PIEZO2: variants seen among roughly 807,000 people sequenced by gnomAD.
PIEZO2 encodes the protein piezo type mechanosensitive ion channel component 2, also known as piezo-type mechanosensitive ion channel component 2.
Under a neutral mutation model 337.3 loss-of-function variants are expected in PIEZO2, and 172 were observed. That is an observed-to-expected ratio of 0.51 (90% confidence interval 0.45 to 0.58). The LOEUF (loss-of-function observed/expected upper bound fraction) is 0.58, where lower values mean the gene tolerates loss of function less well. Among genes scored for constraint, PIEZO2 ranks in the 20% least tolerant of loss-of-function variants. The pLI is 0.00. For missense variants in PIEZO2, 3,028 were observed against 3,391.3 expected (o/e 0.89, Z 2.66); for synonymous variants, 1,251 against 1,228.5 (o/e 1.02, Z -0.38).
chr18:10,742,370 T>G (rs749755306), intron 32 of PIEZO2, 124 bp downstream of exon 32: 316 of 1,132,574 alleles, frequency 2.8e-4, no homozygotes, highest in Non-Finnish European at 3.6e-4. Context: ...TAAAGCTCGC[T>G]GAATCAAAAA....
At chr18:10,685,222 T>C (rs1421867009) in intron 49 of PIEZO2, among the ~76,000 whole-genome samples, 1 of 152,206 alleles carries the variant, frequency 6.6e-6, no homozygotes, top group African/African-American at 2.4e-5. Flanking sequence ...AAGAGCAGCT[T>C]ATTATTCCAC....
Position 10,911,877 on chromosome 18 carries a change from G to A in PIEZO2, c.287-649C>T, listed in dbSNP as rs142048363. On this transcript the variant is annotated intron_variant, in intron 3 of 55. Coordinates refer to ENST00000674853, the MANE Select transcript of PIEZO2 (RefSeq NM_001378183.1). ...CCAATAATTCTCTAAAAATCTAAGT[G>A]TGTCCTGCTCAGAAAAATATGGTGG... Among the ~76,000 whole-genome samples the A allele has an allele frequency of 4.2e-3, 634 of 152,214 alleles. 3 individuals carry two copies. Among genetic ancestry groups the A allele is most frequent in the African/African-American group, 0.013 (534 of 41,550 alleles).
chr18:10,848,749 G>A (rs2041442923), intron 7 of PIEZO2, among the ~76,000 whole-genome samples: 1 of 152,156 alleles, frequency 6.6e-6, no homozygotes, highest in Non-Finnish European at 1.5e-5. Context: ...ACAACTTAAC[G>A]AATTGTTCAA....
chr18:10,696,290 T>C lies in PIEZO2; in HGVS notation c.6976-2A>G. ...GATGTCTGCAGCTGCTGAGTGTTTCTGGGGAAGAGACAACAAATTCATGCC... is the reference window on the plus strand; with the variant it reads ...GATGTCTGCAGCTGCTGAGTGTTTCCGGGGAAGAGACAACAAATTCATGCC... On this transcript the variant is annotated splice_acceptor_variant, in intron 46 of 55. Coordinates refer to ENST00000674853, the MANE Select transcript of PIEZO2 (RefSeq NM_001378183.1). LOFTEE classifies it high-confidence loss of function. 6.2e-7 allele frequency: 1 copy of C among 1,614,176 alleles called. No homozygotes were observed. Among genetic ancestry groups the C allele is most frequent in the Non-Finnish European group, 8.5e-7 (1 of 1,180,008 alleles).
At chr18:10,892,681 G>A (rs934825573) in intron 4 of PIEZO2, among the ~76,000 whole-genome samples, 5 of 152,064 alleles carry the variant, frequency 3.3e-5, no homozygotes, top group African/African-American at 1.2e-4. Context: ...GGAGAGGGGC[G>A]GGGGTGAGGG....
Position 10,903,193 on chromosome 18 carries a change from C to T in PIEZO2, c.329+7993G>A, listed in dbSNP as rs186826455. Among the ~76,000 whole-genome samples the T allele has an allele frequency of 4.3e-4, 65 of 152,360 alleles. No homozygotes were observed. The East Asian group carries it at 6.4e-3, about 15-fold the overall frequency. ...GTTTGGCATACATCTGCATGTCACA[C>T]TCACACTGTCCCTATCTTGGTCGAG... is the stretch of plus-strand genomic sequence containing the variant. On this transcript the variant is annotated intron_variant, in intron 4 of 55. Coordinates refer to ENST00000674853, the MANE Select transcript of PIEZO2 (RefSeq NM_001378183.1). The surrounding 1 kb of genome is among the most constrained non-coding windows in gnomAD (Gnocchi z 4.1).
At chr18:11,007,303 G>A (rs1012241614) in intron 2 of PIEZO2, among the ~76,000 whole-genome samples, 17 of 152,244 alleles carry the variant, frequency 1.1e-4, no homozygotes, top group African/African-American at 3.1e-4. Context: ...ATTTGTTAAC[G>A]TAAATGCTTT....
rs529806981 is a variant in PIEZO2 at position 10,773,603 on chromosome 18, G to C, written c.2594C>G (p.Pro865Arg). 1.6e-5 allele frequency: 24 copies of C among 1,537,286 alleles called. No individual in the cohort carries two copies. Among genetic ancestry groups the C allele is most frequent in the African/African-American group, 2.7e-5 (2 of 73,134 alleles). ...AGTCAGATGCATCATGGTGAGGTCC[G>C]GGAGGCTTCCTTCCGGGTGGGCCAG... ...NELAHPEGSL[P>R]DLTMMHLTAS... The change falls in exon 20 of 56, where the codon CCG becomes CGG. Residue 865 changes from proline (P) to arginine (R), a missense_variant. Transcript: ENST00000674853. The surrounding 1 kb of genome is among the most constrained non-coding windows in gnomAD (Gnocchi z 5.3).
In PIEZO2 at chr18:11,009,367, T is replaced by TG. The variant is rs1355823713; in HGVS notation, c.161-29708dup. ...AAGTTCTGACCTCATTTTTCTGGGG[T>TG]GGGGGCGAGATCATGGGTACACTGT... On this transcript the variant is annotated intron_variant, in intron 2 of 55. Coordinates refer to ENST00000674853, the MANE Select transcript of PIEZO2 (RefSeq NM_001378183.1). The surrounding 1 kb of genome is among the most constrained non-coding windows in gnomAD (Gnocchi z 4.6). 1.3e-5 allele frequency among the ~76,000 whole-genome samples: 2 copies of TG among 151,972 alleles called. No homozygotes were observed. The highest frequency in any genetic ancestry group is 6.6e-5 in the Admixed American group (1 of 15,244).
At chr18:10,780,177 T>C (rs2038929468) in intron 18 of PIEZO2, 148 bp downstream of exon 18, 1 of 626,810 alleles carries the variant, frequency 1.6e-6, no homozygotes, top group Admixed American at 2.3e-5. Context: ...ACCAAATGGT[T>C]TGGTTTGCAA....
chr18:10,952,173 A>G lies in PIEZO2; in HGVS notation c.286+27362T>C, dbSNP rs1347585779. On this transcript the variant is annotated intron_variant, in intron 3 of 55. Transcript: ENST00000674853. The surrounding 1 kb of genome is among the most constrained non-coding windows in gnomAD (Gnocchi z 4.1). ...CCAAAACAAACAGTGAAACAGTGAG[A>G]GGAAAATTCCAATGTGTTACCACTG... Among the ~76,000 whole-genome samples, 1 of 152,220 alleles carries G rather than the reference A, an allele frequency of 6.6e-6. No homozygotes were observed. Among genetic ancestry groups the G allele is most frequent in the African/African-American group, 2.4e-5 (1 of 41,454 alleles).
intron 14 of PIEZO2, among the ~76,000 whole-genome samples, chr18:10,790,745 G>T (rs2039382600): frequency 7.1e-6 from 1 of 140,732 alleles, no homozygotes; most frequent in Non-Finnish European, 1.5e-5. Context: ...TCGCTCTGTC[G>T]CCCAGGCTGG....
intron 7 of PIEZO2, among the ~76,000 whole-genome samples, chr18:10,832,845 A>G (rs770533837): frequency 9.9e-5 from 15 of 152,100 alleles, no homozygotes; most frequent in Non-Finnish European, 1.9e-4. Flanking sequence ...GGGCCCAGGG[A>G]TAAGCATTTA....
At position 10,773,494 on chromosome 18, in the gene PIEZO2, C is replaced by T. The variant is rs200362275; in HGVS notation, c.2703G>A (p.Lys901=). The change falls in exon 20 of 56, where the codon AAG becomes AAA. Residue 901 remains lysine, a synonymous_variant. Transcript: ENST00000674853. This position sits in a 1 kb window ranked among gnomAD's most constrained non-coding sequence, Gnocchi z 5.3. ...CCTCGCTGTCTTTCCCAAGATCACCCTTCTGGGCTTTTTCAGAGTAGCCCT... is the reference window on the plus strand; with the variant it reads ...CCTCGCTGTCTTTCCCAAGATCACCTTTCTGGGCTTTTTCAGAGTAGCCCT... ...KLEGYSEKAQ[K]GDLGKDSEES... 3 of 1,537,466 alleles carry T rather than the reference C, an allele frequency of 2.0e-6. No homozygotes were observed. Among genetic ancestry groups the T allele is most frequent in the African/African-American group, 1.4e-5 (1 of 73,154 alleles).
At chr18:10,996,405 G>A (rs1716047085) in intron 2 of PIEZO2, among the ~76,000 whole-genome samples, 2 of 152,134 alleles carry the variant, frequency 1.3e-5, no homozygotes, top group African/African-American at 4.8e-5. Flanking sequence ...TAATTCAATG[G>A]CATTTAGTCC....
At position 10,861,838 on chromosome 18, in the gene PIEZO2, T is replaced by C. The variant is rs2041881869; in HGVS notation, c.493-4627A>G. Among the ~76,000 whole-genome samples the C allele has an allele frequency of 6.6e-6, 1 of 151,960 alleles. No individual in the cohort carries two copies. Among genetic ancestry groups the C allele is most frequent in the African/African-American group, 2.4e-5 (1 of 41,354 alleles). ...ATCGAGACCTGCCTGGACAACATGG[T>C]GAAACCTTGTCTGTACTAAAACTAC... On this transcript the variant is annotated intron_variant, in intron 5 of 55. Coordinates refer to ENST00000674853, the MANE Select transcript of PIEZO2 (RefSeq NM_001378183.1). The surrounding 1 kb of genome is among the most constrained non-coding windows in gnomAD (Gnocchi z 4.3).
rs1184614902 is a variant in PIEZO2, at chr18:10,826,439, C to CTAT, written c.918-19168_918-19166dup. Reference sequence around the variant, plus strand: ...AGACACCTGCTGCCTCATCTGCCATCTATTTACTTATTTGTTTAATCACTC... The same window carrying CTAT: ...AGACACCTGCTGCCTCATCTGCCATCTATTATTTACTTATTTGTTTAATCACTC... On this transcript the variant is annotated intron_variant, in intron 7 of 55. Transcript: ENST00000674853. 1.2e-4 allele frequency among the ~76,000 whole-genome samples: 19 copies of CTAT among 152,314 alleles called. No homozygotes were observed. The South Asian group carries it at 3.7e-3, about 30-fold the overall frequency.
At chr18:10,822,983 A>G (rs1431948495) in intron 7 of PIEZO2, among the ~76,000 whole-genome samples, 1 of 152,206 alleles carries the variant, frequency 6.6e-6, no homozygotes, top group Non-Finnish European at 1.5e-5. Flanking sequence ...TGCTATTTTA[A>G]AACAAATAGA....
chr18:11,049,964 T>C (rs1376653032), intron 2 of PIEZO2, among the ~76,000 whole-genome samples: 1 of 152,234 alleles, frequency 6.6e-6, no homozygotes, highest in Non-Finnish European at 1.5e-5. Flanking sequence ...TTGGGGCTTC[T>C]GAAATACTTT....
Sources: gnomAD v4.1 joint callset for allele counts (sites outside exome capture counted in the v4.1 genomes callset) on GRCh38, gnomAD v4.1.1 for gene constraint, Gnocchi (gnomAD v3.1) non-coding constraint, MANE v1.5 for transcripts, NCBI Gene and HGNC (gene_info 2026-07-23, HGNC 2026-07-21) for gene names.